HRH2: variants seen among roughly 807,000 people sequenced by gnomAD.
HRH2 encodes the protein histamine H2 receptor.
In HRH2, 4 loss-of-function variants were observed where a neutral mutation model predicts 20.1. That is an observed-to-expected ratio of 0.20 (90% confidence interval 0.10 to 0.45). The LOEUF (loss-of-function observed/expected upper bound fraction) is 0.45, where lower values mean the gene tolerates loss of function less well. Ranked by LOEUF, HRH2 falls within the 20% of genes least tolerant of loss-of-function variation. The pLI is 0.99. For missense variants in HRH2, 250 were observed against 461.6 expected, an observed-to-expected ratio of 0.54 and a Z score of 4.20; for synonymous variants, 197 against 200.7, an observed-to-expected ratio of 0.98 and a Z score of 0.16.
At position 175,683,000 on chromosome 5, in the gene HRH2, A is replaced by G. The variant is rs1255197530; in HGVS notation, c.-234A>G. ...TTGCTTTTCTCTCTTCTTCATTCAT[A>G]TTCATTCCCAACACCTTAGAAGGTG... On this transcript the variant is annotated 5_prime_UTR_variant, in exon 2 of 3. The change creates a new upstream start codon in the 5' untranslated region. Transcript: ENST00000636584. 1 of 507,180 alleles carries G rather than the reference A, an allele frequency of 2.0e-6. No homozygotes were observed. The highest frequency in any genetic ancestry group is 3.4e-6 in the Non-Finnish European group (1 of 292,702). 31.4% of individuals were successfully genotyped at this position (507,180 alleles called of 1,614,324 possible). A position where few individuals can be genotyped will look rare whatever the true frequency, so the allele number is the denominator to read the frequency against.
chr5:175,710,253 G>C lies in HRH2; in HGVS notation c.*2282G>C, dbSNP rs972623614. On this transcript the variant is annotated 3_prime_UTR_variant, in exon 3 of 3. Transcript: ENST00000636584. ...CCCCTAGAGGAGAGTTTGTCACATG[G>C]TAGGAGCTTAATAAATATGTGTTGG... 2.6e-5 allele frequency: 4 copies of C among 152,340 alleles called. No homozygotes were observed. The highest frequency in any genetic ancestry group is 5.9e-5 in the Non-Finnish European group (4 of 68,116). 9.4% of individuals were successfully genotyped at this position (152,340 alleles called of 1,614,324 possible). A position where few individuals can be genotyped will look rare whatever the true frequency, so the allele number is the denominator to read the frequency against.
chr5:175,677,653 G>A lies in HRH2; in HGVS notation c.-525-5056G>A, dbSNP rs1052206226. Among the ~76,000 whole-genome samples the A allele has an allele frequency of 6.6e-6, 1 of 152,218 alleles. No homozygotes were observed. The highest frequency in any genetic ancestry group is 2.4e-5 in the African/African-American group (1 of 41,464). ...GGGCTGCTCCTTGGGTGCTGATGCT[G>A]GGGCCACTTCCTGATACCCTCAGGA... On this transcript the variant is annotated intron_variant, in intron 1 of 2. Coordinates refer to ENST00000636584, the MANE Select transcript of HRH2 (RefSeq NM_001367711.1). This position sits in a 1 kb window ranked among gnomAD's most constrained non-coding sequence, Gnocchi z 4.2.
At chr5:175,705,492 A>T (rs657594) in intron 2 of HRH2, among the ~76,000 whole-genome samples, 29,655 of 151,684 alleles carry the variant, frequency 0.2, 5,083 homozygotes, top group African/African-American at 0.47. Context: ...ACCTTTTTTT[A>T]AAAAATTATG....
At chr5:175,685,281 G>A (rs764032223) in intron 2 of HRH2, 73 of 793,588 alleles carry the variant, frequency 9.2e-5, no homozygotes, top group African/African-American at 1.6e-4. Flanking sequence ...GAGGAAGCTC[G>A]CTGTGAGGAG....
At chr5:175,665,105 G>A (rs1762848478) in intron 1 of HRH2, among the ~76,000 whole-genome samples, 1 of 152,190 alleles carries the variant, frequency 6.6e-6, no homozygotes, top group South Asian at 2.1e-4. Flanking sequence ...AGGGATGAAG[G>A]CCAGTACTCT....
rs767957011 is a variant in HRH2, at chr5:175,693,665, T to C, written c.1076+9356T>C. ...AAATGGAAGATAAAATGGAAAGTCA[T>C]AGAGAACCCCATGTCTGTTGCCATC... On this transcript the variant is annotated intron_variant, in intron 2 of 2. Coordinates refer to ENST00000636584, the MANE Select transcript of HRH2 (RefSeq NM_001367711.1). The surrounding 1 kb of genome is among the most constrained non-coding windows in gnomAD (Gnocchi z 4.4). Among the ~76,000 whole-genome samples, 5 of 152,208 alleles carry C rather than the reference T, an allele frequency of 3.3e-5. No individual in the cohort carries two copies. Among genetic ancestry groups the C allele is most frequent in the Non-Finnish European group, 7.3e-5 (5 of 68,042 alleles).
intron 1 of HRH2, among the ~76,000 whole-genome samples, chr5:175,661,787 C>T (rs973657356): frequency 3.3e-5 from 5 of 152,218 alleles, no homozygotes; most frequent in African/African-American, 9.6e-5. Flanking sequence ...TTTAGGAGGC[C>T]GAGGCGGGAG....
chr5:175,671,553 G>A (rs888363662), intron 1 of HRH2, among the ~76,000 whole-genome samples: 1 of 152,128 alleles, frequency 6.6e-6, no homozygotes, highest in Non-Finnish European at 1.5e-5. Context: ...CCTAGAAAAA[G>A]GAATTTGGAC....
chr5:175,658,713 G>A (rs553918678), intron 1 of HRH2, among the ~76,000 whole-genome samples: 53 of 152,156 alleles, frequency 3.5e-4, no homozygotes, highest in Admixed American at 8.5e-4. Context: ...GCCCGCTGCC[G>A]GATGACCGAT....
Position 175,677,309 on chromosome 5 carries a change from T to C in HRH2, c.-525-5400T>C, listed in dbSNP as rs1215406478. Reference sequence around the variant, plus strand: ...CTGTTACTTTTTCTTTATGCAGTCATTCACTGATGGACATGTAGGTTGATT... The same window carrying C: ...CTGTTACTTTTTCTTTATGCAGTCACTCACTGATGGACATGTAGGTTGATT... On this transcript the variant is annotated intron_variant, in intron 1 of 2. Coordinates refer to ENST00000636584, the MANE Select transcript of HRH2 (RefSeq NM_001367711.1). This position sits in a 1 kb window ranked among gnomAD's most constrained non-coding sequence, Gnocchi z 4.2. Among the ~76,000 whole-genome samples, 2 of 152,252 alleles carry C rather than the reference T, an allele frequency of 1.3e-5. No homozygotes were observed. The highest frequency in any genetic ancestry group is 6.5e-5 in the Admixed American group (1 of 15,286).
rs148596916 is a variant in HRH2 at position 175,695,703 on chromosome 5, G to A, written c.1076+11394G>A. ...TTATTAGTTCCTCGAACCCACATCA[G>A]CAAGAGGGCCCTAGAAGTGCTGCGG... On this transcript the variant is annotated intron_variant, in intron 2 of 2. Transcript: ENST00000636584. Among the ~76,000 whole-genome samples the A allele has an allele frequency of 4.2e-3, 636 of 152,326 alleles. 1 individual carries two copies. The highest frequency in any genetic ancestry group is 6.9e-3 in the Non-Finnish European group (469 of 68,030).
chr5:175,684,092 C>T lies in HRH2; in HGVS notation c.859C>T (p.Leu287=). The T allele has an allele frequency of 6.2e-7, 1 of 1,614,216 alleles. No homozygotes were observed. The change falls in exon 2 of 3, where the codon CTG becomes TTG. Residue 287 remains leucine, a synonymous_variant. Coordinates refer to ENST00000636584, the MANE Select transcript of HRH2 (RefSeq NM_001367711.1). ...TGCCAACTCAGCCCTGAACCCCATC[C>T]TGTATGCTGCGCTGAACAGAGACTT... ...GYANSALNPI[L]YAALNRDFRT...
At chr5:175,688,607 G>A (rs937877898) in intron 2 of HRH2, among the ~76,000 whole-genome samples, 14 of 152,222 alleles carry the variant, frequency 9.2e-5, no homozygotes, top group Admixed American at 6.5e-4. Context: ...GGCCTGGGCC[G>A]CCAGCCTTAA....
At chr5:175,661,045 T>A (rs1426772595) in intron 1 of HRH2, among the ~76,000 whole-genome samples, 1 of 22,578 alleles carries the variant, frequency 4.4e-5, no homozygotes, top group Non-Finnish European at 8.8e-5. Flanking sequence ...CACCCTCTGC[T>A]GGTCCACCTA....
chr5:175,705,262 T>C (rs1353557735), intron 2 of HRH2, among the ~76,000 whole-genome samples: 5 of 152,128 alleles, frequency 3.3e-5, no homozygotes, highest in African/African-American at 1.2e-4. Context: ...AAATAAGATA[T>C]AGCAATTAAG....
intron 1 of HRH2, among the ~76,000 whole-genome samples, chr5:175,672,732 C>G (rs1481372423): frequency 6.6e-6 from 1 of 152,186 alleles, no homozygotes; most frequent in Non-Finnish European, 1.5e-5. Flanking sequence ...GCTCTCATTC[C>G]AGTGGGGAGA....
intron 1 of HRH2, among the ~76,000 whole-genome samples, chr5:175,665,281 G>A (rs1485802619): frequency 6.6e-6 from 1 of 152,224 alleles, no homozygotes; most frequent in Admixed American, 6.5e-5. Flanking sequence ...AGCTGCAGGA[G>A]CTGGCATTTG....
At chr5:175,694,671 G>A (rs1444303983) in intron 2 of HRH2, among the ~76,000 whole-genome samples, 1 of 152,118 alleles carries the variant, frequency 6.6e-6, no homozygotes, top group African/African-American at 2.4e-5. Context: ...AGGCCTCCTA[G>A]CTGCTATTTC....
Position 175,686,091 on chromosome 5 carries a change from T to G in HRH2, c.1076+1782T>G, listed in dbSNP as rs1756161790. 1 of 152,382 alleles carries G rather than the reference T, an allele frequency of 6.6e-6. No homozygotes were observed. The highest frequency in any genetic ancestry group is 1.5e-5 in the Non-Finnish European group (1 of 68,178). 9.4% of individuals were successfully genotyped at this position (152,382 alleles called of 1,614,324 possible). A position where few individuals can be genotyped will look rare whatever the true frequency, so the allele number is the denominator to read the frequency against. On this transcript the variant is annotated intron_variant, in intron 2 of 2. Coordinates refer to ENST00000636584, the MANE Select transcript of HRH2 (RefSeq NM_001367711.1). The surrounding 1 kb of genome is among the most constrained non-coding windows in gnomAD (Gnocchi z 4.7). ...CTGCCCCTCAAATCCACCCTCCAAG[T>G]GCACACCTGGAAACTTCCGCTTCCA... is the stretch of plus-strand genomic sequence containing the variant.
Sources: allele counts gnomAD v4.1 joint callset (sites outside exome capture counted in the v4.1 genomes callset), GRCh38; gene constraint gnomAD v4.1.1; non-coding constraint Gnocchi (gnomAD v3.1); transcripts MANE v1.5; gene names NCBI Gene and HGNC (gene_info 2026-07-23, HGNC 2026-07-21).